The following COL21A1 variants were observed in gnomAD, a reference collection of about 807,000 sequenced individuals.
COL21A1 encodes collagen alpha-1(XXI) chain.
In COL21A1, 149 loss-of-function variants were observed where a neutral mutation model predicts 137.9. The observed-to-expected ratio is 1.08, with a 90% confidence interval of 0.95 to 1.24. The LOEUF is 1.24. COL21A1 is among the 50% of genes most tolerant of loss of function. The pLI is 0.00. For synonymous variants in COL21A1, 456 were observed against 391.5 expected (o/e 1.16, Z -1.95); for missense variants, 1,167 against 1,158.4 (o/e 1.01, Z -0.11).
intron 1 of COL21A1, among the ~76,000 whole-genome samples, chr6:56,305,751 T>C (rs1482671004): frequency 6.6e-6 from 1 of 151,984 alleles, no homozygotes; most frequent in Non-Finnish European, 1.5e-5. Context: ...GTTAATATTG[T>C]TATGTGTGAA....
chr6:56,087,601 A>G (rs1043082442), intron 17 of COL21A1, among the ~76,000 whole-genome samples: 1 of 152,206 alleles, frequency 6.6e-6, no homozygotes, highest in Non-Finnish European at 1.5e-5. Context: ...TTATACAACC[A>G]AAAGACTGCC....
intron 1 of COL21A1, among the ~76,000 whole-genome samples, chr6:56,324,873 A>G (rs1764967600): frequency 6.6e-6 from 1 of 151,830 alleles, no homozygotes; most frequent in African/African-American, 2.4e-5. Context: ...CCTAGGAAGG[A>G]TTTTCTTATC....
intron 1 of COL21A1, among the ~76,000 whole-genome samples, chr6:56,335,764 G>T (rs1765318606): frequency 6.6e-6 from 1 of 152,152 alleles, no homozygotes; most frequent in African/African-American, 2.4e-5. Flanking sequence ...CATTTGTTTG[G>T]GCTTTATTTA....
At position 56,203,189 on chromosome 6, in the gene COL21A1, C is replaced by A. The variant is rs75101103; in HGVS notation, c.-38-20533G>T. Among the ~76,000 whole-genome samples, 3 of 151,936 alleles carry A rather than the reference C, an allele frequency of 2.0e-5. No individual in the cohort carries two copies. In the East Asian group the frequency reaches 5.8e-4, roughly 29 times the overall value. Reference sequence around the variant, plus strand: ...TCAAAATTTTTCTCCAACTATCTAACCTTCCAATTCATTCATGATACACCA... The same window carrying A: ...TCAAAATTTTTCTCCAACTATCTAAACTTCCAATTCATTCATGATACACCA... On this transcript the variant is annotated intron_variant, in intron 1 of 29. Transcript: ENST00000244728.
chr6:56,306,163 A>T (rs1334492095), intron 1 of COL21A1, among the ~76,000 whole-genome samples: 1 of 131,674 alleles, frequency 7.6e-6, no homozygotes, highest in Non-Finnish European at 1.7e-5. Flanking sequence ...TGCCCTTAAC[A>T]TTTTTTCCTT....
At chr6:56,071,789 T>C (rs1236453265) in intron 20 of COL21A1, among the ~76,000 whole-genome samples, 2 of 151,652 alleles carry the variant, frequency 1.3e-5, no homozygotes. Flanking sequence ...ATAAAGCTAA[T>C]ATATTTTAAT....
At chr6:56,153,833 T>C (rs1775516402) in intron 10 of COL21A1, among the ~76,000 whole-genome samples, 1 of 152,178 alleles carries the variant, frequency 6.6e-6, no homozygotes, top group Non-Finnish European at 1.5e-5. Flanking sequence ...TTTCTCTTTT[T>C]CACCTGTAAG....
At chr6:56,309,155 C>T (rs1764542874) in intron 1 of COL21A1, among the ~76,000 whole-genome samples, 1 of 152,098 alleles carries the variant, frequency 6.6e-6, no homozygotes, top group African/African-American at 2.4e-5. Flanking sequence ...GATTCCCCTG[C>T]CTCAGCCTCC....
intron 1 of COL21A1, among the ~76,000 whole-genome samples, chr6:56,291,392 A>G (rs1375668246): frequency 2.0e-5 from 3 of 152,210 alleles, no homozygotes; most frequent in Admixed American, 2.0e-4. Context: ...GCTACCACAG[A>G]AAGGAACCGC....
At chr6:56,122,252 A>G (rs1416733415) in intron 16 of COL21A1, among the ~76,000 whole-genome samples, 1 of 152,178 alleles carries the variant, frequency 6.6e-6, no homozygotes, top group Non-Finnish European at 1.5e-5. Context: ...CCAAGGGTTT[A>G]ATGTACGGGT....
At chr6:56,269,227 C>T (rs1163501936) in intron 1 of COL21A1, among the ~76,000 whole-genome samples, 2 of 152,148 alleles carry the variant, frequency 1.3e-5, no homozygotes, top group African/African-American at 4.8e-5. Flanking sequence ...TATTGCTAGA[C>T]AGCTAACATG....
chr6:56,170,794 AT>A lies in COL21A1; in HGVS notation c.880del (p.Ile294PhefsTer8). ...AGTTAATATTCTCCATAAATCCCAA[AT>A]TTTCTTGACTTTAAATCTTTGAGTA... ...VSTQRFKVKK[I>X]WDLWRILTID... On this transcript the variant is annotated frameshift_variant, in exon 5 of 30. Coordinates refer to ENST00000244728, the MANE Select transcript of COL21A1 (RefSeq NM_030820.4). LOFTEE classifies it high-confidence loss of function. 6.2e-7 allele frequency: 1 copy of A among 1,610,118 alleles called. No homozygotes were observed. The highest frequency in any genetic ancestry group is 8.5e-7 in the Non-Finnish European group (1 of 1,177,538).
chr6:56,100,002 T>C (rs1442399528), intron 17 of COL21A1, among the ~76,000 whole-genome samples: 1 of 152,220 alleles, frequency 6.6e-6, no homozygotes, highest in Non-Finnish European at 1.5e-5. Flanking sequence ...TACTATGTTC[T>C]CTTTTTTTCT....
intron 1 of COL21A1, among the ~76,000 whole-genome samples, chr6:56,255,897 C>T (rs1554170795): frequency 6.6e-6 from 1 of 152,120 alleles, no homozygotes; most frequent in Non-Finnish European, 1.5e-5. Context: ...AGGATGGGCT[C>T]CATAGGGTTC....
chr6:56,332,580 G>GCAC (rs768861848), intron 1 of COL21A1, among the ~76,000 whole-genome samples: 2 of 147,564 alleles, frequency 1.4e-5, no homozygotes, highest in East Asian at 2.0e-4. Context: ...TCACCAAATA[G>GCAC]CCCCCCCGCC....
At chr6:56,236,621 CA>C (rs1781919767) in intron 1 of COL21A1, among the ~76,000 whole-genome samples, 2 of 152,170 alleles carry the variant, frequency 1.3e-5, no homozygotes, top group South Asian at 4.1e-4. Context: ...ATGACAAAAA[CA>C]GATGATATCT....
chr6:56,342,901 C>G (rs1427427738), intron 1 of COL21A1, among the ~76,000 whole-genome samples: 2 of 152,220 alleles, frequency 1.3e-5, no homozygotes, highest in African/African-American at 4.8e-5. Flanking sequence ...TCAGCTAGAA[C>G]TTTCCTGGGA....
At chr6:56,332,105 A>T (rs556103871) in intron 1 of COL21A1, 1 of 152,166 alleles carries the variant, frequency 6.6e-6, no homozygotes, top group Non-Finnish European at 1.5e-5. Context: ...GTTATTGTAC[A>T]ATGCTGTAGG....
intron 1 of COL21A1, among the ~76,000 whole-genome samples, chr6:56,335,029 C>T (rs1309302014): frequency 2.0e-5 from 3 of 152,052 alleles, no homozygotes; most frequent in African/African-American, 4.8e-5. Context: ...ATTGTTATAG[C>T]AGCAGGAAAA....
Sources: allele counts gnomAD v4.1 joint callset (sites outside exome capture counted in the v4.1 genomes callset), GRCh38; gene constraint gnomAD v4.1.1; transcripts MANE v1.5; gene names NCBI Gene and HGNC (gene_info 2026-07-23, HGNC 2026-07-21).